The following RICTOR variants were observed in gnomAD, a reference collection of about 807,000 sequenced individuals.
RICTOR encodes RPTOR independent companion of MTOR complex 2, also known as rapamycin-insensitive companion of mTOR.
Under a neutral mutation model 214.9 loss-of-function variants are expected in RICTOR, and 49 were observed. That is an observed-to-expected ratio of 0.23 (90% CI 0.18 to 0.29). RICTOR has a LOEUF of 0.29. RICTOR is among the 10% of genes least tolerant of loss of function. The probability of loss-of-function intolerance (pLI) is 1.00; values close to 1 mark genes in which losing one functional copy is unlikely to be tolerated. For synonymous variants in RICTOR, 717 were observed against 711.3 expected (o/e 1.01, Z -0.13); for missense variants, 1,625 against 2,047.0 (o/e 0.79, Z 3.98).
chr5:38,959,567 C>T (rs565160842), intron 21 of RICTOR, among the ~76,000 whole-genome samples: 87 of 151,932 alleles, frequency 5.7e-4, no homozygotes, highest in Admixed American at 2.6e-3. Flanking sequence ...GTCAATTCAA[C>T]GTATATTTTT....
intron 2 of RICTOR, among the ~76,000 whole-genome samples, chr5:39,040,668 G>C: frequency 6.6e-6 from 1 of 151,776 alleles, no homozygotes; most frequent in East Asian, 1.9e-4. Flanking sequence ...TTGTCCCCTA[G>C]ATTGTATTCC....
Position 38,944,453 on chromosome 5 carries a change from G to A in RICTOR, c.4906C>T (p.Leu1636Phe). 1.9e-6 allele frequency: 3 copies of A among 1,601,842 alleles called. No homozygotes were observed. Among genetic ancestry groups the A allele is most frequent in the Non-Finnish European group, 2.5e-6 (3 of 1,176,620 alleles). The change falls in exon 36 of 38, where the codon CTT becomes TTT. Residue 1636 changes from leucine to phenylalanine, a missense_variant. Leu to Phe is a conservative substitution (Grantham distance 22). Transcript: ENST00000357387. ...TGCACATAGTTTACTCACGTTAAAA[G>A]CCCAGTCTCATGACATTTAGTTGAA... ...SVSTKCHETG[L>F]LTIKEKYPQT...
chr5:39,051,042 T>TATACAC (rs1554011851), intron 2 of RICTOR, among the ~76,000 whole-genome samples: 26 of 145,752 alleles, frequency 1.8e-4, no homozygotes, highest in East Asian at 6.0e-4. Flanking sequence ...TACATATATA[T>TATACAC]ACACACACAC....
chr5:39,023,779 T>G (rs1168104550), intron 2 of RICTOR, among the ~76,000 whole-genome samples: 2 of 152,352 alleles, frequency 1.3e-5, no homozygotes, highest in South Asian at 2.1e-4. Flanking sequence ...TACTCCATTC[T>G]GTTATACTGG....
At position 38,996,805 on chromosome 5, in the gene RICTOR, C is replaced by T; in HGVS notation, c.456+14G>A. The T allele has an allele frequency of 6.3e-7, 1 of 1,583,520 alleles. No homozygotes were observed. Among genetic ancestry groups the T allele is most frequent in the Non-Finnish European group, 8.7e-7 (1 of 1,154,012 alleles). On this transcript the variant is annotated intron_variant, in intron 6 of 37. Coordinates refer to ENST00000357387, the MANE Select transcript of RICTOR (RefSeq NM_152756.5). ...ACCATAAATTTGCCTTTTACTCTCACACATAGAGCATACCTTTCTGACTAA... is the reference window on the plus strand; with the variant it reads ...ACCATAAATTTGCCTTTTACTCTCATACATAGAGCATACCTTTCTGACTAA...
chr5:38,953,221 A>T lies in RICTOR; in HGVS notation c.2791-130T>A, dbSNP rs562919426. The stretch of plus-strand genomic sequence containing the variant: ...ATGTAAAAGCCTCCTCAAGTACAAA[A>T]CATTAGGCATGAATTAATTCTAGTT... On this transcript the variant is annotated intron_variant, in intron 28 of 37. Transcript: ENST00000357387. The T allele has an allele frequency of 6.7e-5, 43 of 642,466 alleles. No homozygotes were observed. The South Asian group carries it at 8.7e-4, about 13-fold the overall frequency. 39.8% of individuals were successfully genotyped at this position (642,466 alleles called of 1,614,324 possible). A position where few individuals can be genotyped will look rare whatever the true frequency, so the allele number is the denominator to read the frequency against.
chr5:39,050,140 G>A (rs1314035267), intron 2 of RICTOR, among the ~76,000 whole-genome samples: 1 of 151,362 alleles, frequency 6.6e-6, no homozygotes, highest in Non-Finnish European at 1.5e-5. Flanking sequence ...CAAAAGGAAG[G>A]TGATCTAGAT....
chr5:39,050,989 T>A (rs569036970), intron 2 of RICTOR, among the ~76,000 whole-genome samples: 209 of 152,142 alleles, frequency 1.4e-3, no homozygotes, highest in African/African-American at 4.7e-3. Flanking sequence ...ATTATCACTG[T>A]GAGAATAAAG....
chr5:39,003,471 GTAT>G, intron 4 of RICTOR, 84 bp downstream of exon 4: 2 of 842,018 alleles, frequency 2.4e-6, no homozygotes, highest in South Asian at 3.0e-5. Flanking sequence ...ATGAGGTGCT[GTAT>G]TATTCTATTT....
At chr5:39,015,203 T>C (rs1356541478) in intron 3 of RICTOR, among the ~76,000 whole-genome samples, 2 of 152,116 alleles carry the variant, frequency 1.3e-5, no homozygotes, top group African/African-American at 4.8e-5. Context: ...CCTGGCATCA[T>C]AATTATTTTT....
chr5:39,018,823 T>C (rs1270993789), intron 3 of RICTOR, among the ~76,000 whole-genome samples: 2 of 152,118 alleles, frequency 1.3e-5, no homozygotes, highest in African/African-American at 2.4e-5. Context: ...CATCTCTCAC[T>C]TTAAATCACA....
Position 38,955,622 on chromosome 5 carries a change from T to C in RICTOR, c.2582A>G (p.Asp861Gly). 1.9e-6 allele frequency: 3 copies of C among 1,606,640 alleles called. No individual in the cohort carries two copies. The highest frequency in any genetic ancestry group is 2.6e-6 in the Non-Finnish European group (3 of 1,173,256). ...TTGGTTACTCCGACGAACATAGTTA[T>C]CACCATCAACAGGCTTCCGGTAAGT... The part of the protein sequence containing the change: ...LTTYRKPVDG[D>G]NYVRRSNQRL... Residue 861 changes from aspartate to glycine, a missense_variant, in exon 26 of 38, where the codon GAT (aspartate) becomes GGT (glycine). Physicochemically the swap from Asp to Gly is moderately conservative, Grantham distance 94. Coordinates refer to ENST00000357387, the MANE Select transcript of RICTOR (RefSeq NM_152756.5).
At chr5:38,954,315 C>G (rs552024987) in intron 27 of RICTOR, among the ~76,000 whole-genome samples, 64 of 152,062 alleles carry the variant, frequency 4.2e-4, no homozygotes, top group Admixed American at 2.1e-3. Context: ...TGCTTGTTAA[C>G]ATTCCATGAA....
chr5:38,968,955 CG>C (rs1750473004), intron 11 of RICTOR, among the ~76,000 whole-genome samples: 1 of 124,000 alleles, frequency 8.1e-6, no homozygotes, highest in African/African-American at 3.1e-5. Context: ...GTGTGTTTGG[CG>C]GGGGAGGAGT....
At chr5:39,029,464 C>T (rs1756104611) in intron 2 of RICTOR, among the ~76,000 whole-genome samples, 1 of 152,112 alleles carries the variant, frequency 6.6e-6, no homozygotes, top group South Asian at 2.1e-4. Flanking sequence ...TCAATATATG[C>T]TGCTTTATAA....
At chr5:39,048,361 A>C (rs1466795587) in intron 2 of RICTOR, among the ~76,000 whole-genome samples, 2 of 152,228 alleles carry the variant, frequency 1.3e-5, no homozygotes, top group Non-Finnish European at 2.9e-5. Flanking sequence ...GATTCTGTAA[A>C]CTGGTAAGGT....
intron 5 of RICTOR, among the ~76,000 whole-genome samples, chr5:38,999,774 T>C (rs969497036): frequency 2.6e-5 from 4 of 151,816 alleles, no homozygotes; most frequent in Admixed American, 6.6e-5. Context: ...CCATAAATCA[T>C]GCACATAATA....
intron 15 of RICTOR, among the ~76,000 whole-genome samples, chr5:38,965,150 T>C (rs545058631): frequency 1.9e-4 from 29 of 152,114 alleles, no homozygotes; most frequent in Admixed American, 3.9e-4. Context: ...TATAATATTA[T>C]GGTTTTAAGT....
intron 22 of RICTOR, 125 bp from the exon 23 acceptor site, chr5:38,958,956 C>T (rs1749553083): frequency 1.4e-6 from 1 of 732,078 alleles, no homozygotes; most frequent in East Asian, 3.0e-5. Flanking sequence ...TGGTCTAGCC[C>T]TTGATATGAA....
Sources: allele counts gnomAD v4.1 joint callset (sites outside exome capture counted in the v4.1 genomes callset), GRCh38; gene constraint gnomAD v4.1.1; transcripts MANE v1.5; gene names NCBI Gene and HGNC (gene_info 2026-07-23, HGNC 2026-07-21).